Variants in MCTP1 observed in about 807,000 individuals in gnomAD.
MCTP1 encodes multiple C2 and transmembrane domain-containing protein 1.
A neutral mutation model predicts 120.6 loss-of-function variants in MCTP1; 69 were observed. The observed-to-expected ratio is 0.57, with a 90% CI of 0.47 to 0.70. The LOEUF is 0.70. Among genes scored for constraint, MCTP1 ranks in the 30% least tolerant of loss-of-function variants. The pLI is 0.00. For missense variants in MCTP1, 1,203 were observed against 1,248.8 expected, an observed-to-expected ratio of 0.96 and a Z score of 0.55; for synonymous variants, 529 against 493.1, an observed-to-expected ratio of 1.07 and a Z score of -0.96.
intron 1 of MCTP1, among the ~76,000 whole-genome samples, chr5:95,100,008 T>A (rs1756600733): frequency 6.6e-6 from 1 of 151,544 alleles, no homozygotes; most frequent in African/African-American, 2.4e-5. Flanking sequence ...TCATTCTCAG[T>A]AAACTATCGC....
intron 12 of MCTP1, among the ~76,000 whole-genome samples, chr5:94,875,145 G>A (rs1798570583): frequency 6.6e-6 from 1 of 152,018 alleles, no homozygotes; most frequent in African/African-American, 2.4e-5. Flanking sequence ...TAAATACTAT[G>A]GGAAAAAACA....
chr5:94,834,562 C>T (rs1310641112), intron 17 of MCTP1, among the ~76,000 whole-genome samples: 2 of 152,042 alleles, frequency 1.3e-5, no homozygotes, highest in Non-Finnish European at 2.9e-5. Context: ...AATTTCAAAG[C>T]TGCAATGAAT....
intron 19 of MCTP1, among the ~76,000 whole-genome samples, chr5:94,725,200 GA>G (rs754735539): frequency 5.2e-4 from 79 of 151,634 alleles, no homozygotes; most frequent in African/African-American, 1.8e-3. Context: ...GAAAAGAAAA[GA>G]AAAAAAAGGT....
intron 10 of MCTP1, among the ~76,000 whole-genome samples, chr5:94,904,041 C>T (rs1806174515): frequency 6.6e-6 from 1 of 152,212 alleles, no homozygotes; most frequent in African/African-American, 2.4e-5. Context: ...TGCCAAAATG[C>T]AGGTGATCAG....
At chr5:94,952,806 C>G (rs1820958646) in intron 3 of MCTP1, among the ~76,000 whole-genome samples, 1 of 152,014 alleles carries the variant, frequency 6.6e-6, no homozygotes, top group South Asian at 2.1e-4. Context: ...TCACCCTTCT[C>G]ATGCTCCAAG....
At chr5:94,866,859 A>AT (rs1311482364) in intron 17 of MCTP1, among the ~76,000 whole-genome samples, 4 of 60,604 alleles carry the variant, frequency 6.6e-5, no homozygotes, top group Non-Finnish European at 1.6e-4. Flanking sequence ...TACACAATAC[A>AT]CGTAAATGCT....
At chr5:94,914,007 T>TG in intron 8 of MCTP1, among the ~76,000 whole-genome samples, 1 of 152,324 alleles carries the variant, frequency 6.6e-6, no homozygotes, top group Middle Eastern at 3.4e-3. Flanking sequence ...CCCAAAGTGC[T>TG]GGGATTACAG....
chr5:95,114,169 A>C (rs1757652554), intron 1 of MCTP1, among the ~76,000 whole-genome samples: 1 of 152,080 alleles, frequency 6.6e-6, no homozygotes, highest in Non-Finnish European at 1.5e-5. Context: ...CTTGAGTAAG[A>C]CTCTGTTATT....
At chr5:95,193,812 T>G (rs1441502669) in intron 1 of MCTP1, among the ~76,000 whole-genome samples, 2 of 152,232 alleles carry the variant, frequency 1.3e-5, no homozygotes, top group African/African-American at 4.8e-5. Context: ...ACTTTTCTTT[T>G]GTATTTCAAG....
chr5:94,834,170 C>T (rs1789175348), intron 17 of MCTP1, among the ~76,000 whole-genome samples: 1 of 152,162 alleles, frequency 6.6e-6, no homozygotes, highest in African/African-American at 2.4e-5. Context: ...GAAATGCAGG[C>T]TTTAAGGCAG....
chr5:95,064,701 T>C (rs10447214), intron 1 of MCTP1, among the ~76,000 whole-genome samples: 129,894 of 152,108 alleles, frequency 0.85, 56,846 homozygotes, highest in Non-Finnish European at 0.96. Flanking sequence ...CCCATAGGTG[T>C]ACCAGTATAA....
rs1444048880 is a variant in MCTP1 at position 95,017,426 on chromosome 5, A to C, written c.779T>G (p.Met260Arg). The part of the protein sequence containing the change: ...NAEVPLADPG[M>R]YQLDITLRRG... ...TCTTAATGTAATGTCCAGCTGGTAC[A>C]TTCCGGGATCAGCCAAGGGGACTTC... is the stretch of plus-strand genomic sequence containing the variant. The change falls in exon 2 of 23, where the codon ATG (methionine) becomes AGG (arginine). Residue 260 changes from methionine (M) to arginine (R), a missense_variant. Around this residue, in one of 2 missense-constraint regions of MCTP1, gnomAD observed 463 missense variants for 377.8 expected, o/e 1.23. Transcript: ENST00000515393. 4.3e-6 allele frequency: 7 copies of C among 1,610,956 alleles called. No individual in the cohort carries two copies. Among genetic ancestry groups the C allele is most frequent in the Non-Finnish European group, 5.9e-6 (7 of 1,178,082 alleles).
intron 1 of MCTP1, among the ~76,000 whole-genome samples, chr5:95,094,506 T>C (rs1756078092): frequency 1.3e-5 from 2 of 152,244 alleles, no homozygotes. Flanking sequence ...ATACTGCTTT[T>C]TTCCCTTTAG....
In MCTP1 at chr5:94,874,931, C is replaced by T. The variant is rs1400805709; in HGVS notation, c.1934-1690G>A. On this transcript the variant is annotated intron_variant, in intron 12 of 22. Transcript: ENST00000515393. ...CATCTTAGGTAGGTAGTAGGTCACA[C>T]GCATAGGAAATGCTGGGTAATGTTT... 2.6e-5 allele frequency among the ~76,000 whole-genome samples: 4 copies of T among 152,086 alleles called. No homozygotes were observed. The East Asian group carries it at 7.7e-4, about 29-fold the overall frequency.
At chr5:95,117,789 T>C (rs934681316) in intron 1 of MCTP1, among the ~76,000 whole-genome samples, 1 of 152,118 alleles carries the variant, frequency 6.6e-6, no homozygotes, top group African/African-American at 2.4e-5. Context: ...ATAGACTGGA[T>C]AAAGAAAATA....
intron 19 of MCTP1, among the ~76,000 whole-genome samples, chr5:94,760,892 C>G (rs2152847015): frequency 6.6e-6 from 1 of 152,140 alleles, no homozygotes; most frequent in Admixed American, 6.5e-5. Flanking sequence ...ACTATGTCAC[C>G]CAAGCTGGTC....
chr5:95,219,797 T>C (rs902819637), intron 1 of MCTP1, among the ~76,000 whole-genome samples: 2 of 152,258 alleles, frequency 1.3e-5, no homozygotes, highest in Non-Finnish European at 1.5e-5. Flanking sequence ...TGCCTGTAAC[T>C]GTCCCTTCAT....
intron 1 of MCTP1, among the ~76,000 whole-genome samples, chr5:95,272,753 A>G (rs1477558026): frequency 6.6e-6 from 1 of 152,198 alleles, no homozygotes; most frequent in Non-Finnish European, 1.5e-5. Context: ...TGATTCCCAC[A>G]GAGAAAGCAA....
rs200817589 is a variant in MCTP1 at position 94,848,943 on chromosome 5, C to T, written c.2436+19390G>A. On this transcript the variant is annotated intron_variant, in intron 17 of 22. Coordinates refer to ENST00000515393, the MANE Select transcript of MCTP1 (RefSeq NM_024717.7). ...ATACTAACAATTTGAAATATGTTGA[C>T]ATAGTTTTGATAAAAGGTTAGTTCC... is the stretch of plus-strand genomic sequence containing the variant. 4.0e-5 allele frequency among the ~76,000 whole-genome samples: 6 copies of T among 151,788 alleles called. No homozygotes were observed. The East Asian group carries it at 7.9e-4, about 20-fold the overall frequency.
Sources: allele counts gnomAD v4.1 joint callset (sites outside exome capture counted in the v4.1 genomes callset), GRCh38; gene constraint gnomAD v4.1.1; regional missense constraint gnomAD v4.1.1; transcripts MANE v1.5; gene names NCBI Gene and HGNC (gene_info 2026-07-23, HGNC 2026-07-21).